Variants in SH3PXD2B observed in about 807,000 individuals in gnomAD.
The protein encoded by SH3PXD2B is SH3 and PX domains 2B, also known as SH3 and PX domain-containing protein 2B.
A neutral mutation model predicts 73.1 loss-of-function variants in SH3PXD2B; 37 were observed. That is an observed-to-expected ratio of 0.51 (90% confidence interval 0.39 to 0.67). The LOEUF (loss-of-function observed/expected upper bound fraction) is 0.67. Among genes scored for constraint, SH3PXD2B ranks in the 30% least tolerant of loss-of-function variants. SH3PXD2B has a pLI of 0.00. For missense variants in SH3PXD2B, 1,053 were observed against 1,197.8 expected, an observed-to-expected ratio of 0.88 and a Z score of 1.78; for synonymous variants, 457 against 480.5, an observed-to-expected ratio of 0.95 and a Z score of 0.64.
At chr5:172,428,125 T>A (rs1352019181) in intron 1 of SH3PXD2B, among the ~76,000 whole-genome samples, 3 of 152,192 alleles carry the variant, frequency 2.0e-5, no homozygotes, top group Non-Finnish European at 4.4e-5. Flanking sequence ...ACATACTGCA[T>A]GTCATGTGCC....
At chr5:172,330,132 A>T (rs1177007128), downstream of SH3PXD2B, among the ~76,000 whole-genome samples, 1 of 152,134 alleles carries the variant, frequency 6.6e-6, no homozygotes, top group Non-Finnish European at 1.5e-5. Flanking sequence ...AAAAATCTGT[A>T]ATCTGAGTGC....
At chr5:172,407,415 C>T (rs1758585628) in intron 2 of SH3PXD2B, among the ~76,000 whole-genome samples, 1 of 152,228 alleles carries the variant, frequency 6.6e-6, no homozygotes, top group Non-Finnish European at 1.5e-5. Flanking sequence ...TCTCTGCTGG[C>T]CGCGGTCATG....
In SH3PXD2B at chr5:172,358,744, A is replaced by G. The variant is rs374024950; in HGVS notation, c.667+29T>C. Reference sequence around the variant, plus strand: ...GGCGATGACTGCACAGGTCCTCCCCAGTGAGCAGAGGCTCGAGCTCCTCCC... The same window carrying G: ...GGCGATGACTGCACAGGTCCTCCCCGGTGAGCAGAGGCTCGAGCTCCTCCC... On this transcript the variant is annotated intron_variant, in intron 8 of 12. Transcript: ENST00000311601. The G allele has an allele frequency of 8.6e-4, 1,368 of 1,588,912 alleles. 1 individual carries two copies. Among genetic ancestry groups the G allele is most frequent in the Non-Finnish European group, 9.1e-4 (1,062 of 1,164,038 alleles).
At chr5:172,423,548 G>GGC (rs1561934782) in intron 1 of SH3PXD2B, among the ~76,000 whole-genome samples, 1 of 120,226 alleles carries the variant, frequency 8.3e-6, no homozygotes. Context: ...ACGGGGTTGG[G>GGC]GGGGGGGGCG....
At chr5:172,412,812 C>T (rs760286264) in intron 2 of SH3PXD2B, among the ~76,000 whole-genome samples, 2 of 152,124 alleles carry the variant, frequency 1.3e-5, no homozygotes, top group Non-Finnish European at 2.9e-5. Context: ...CCACTACCCG[C>T]GCTCCCCCCA....
At chr5:172,325,206 G>T in exon 13 of SH3PXD2B, 3 of 1,167,916 alleles carry the variant, frequency 2.6e-6, no homozygotes, top group South Asian at 2.9e-5. Context: ...ATTTTACCAC[G>T]ACAAAAAAAA....
At chr5:172,449,614 CAGAT>C (rs1234678509) in intron 1 of SH3PXD2B, among the ~76,000 whole-genome samples, 2 of 152,184 alleles carry the variant, frequency 1.3e-5, no homozygotes, top group African/African-American at 2.4e-5. Flanking sequence ...AGAGGAAACT[CAGAT>C]AGCCGATAAA....
intron 2 of SH3PXD2B, among the ~76,000 whole-genome samples, chr5:172,417,438 T>C (rs1202603501): frequency 1.3e-5 from 2 of 152,206 alleles, no homozygotes; most frequent in African/African-American, 4.8e-5. Context: ...TGATGTGTGG[T>C]GCCTAGATCC....
intron 1 of SH3PXD2B, among the ~76,000 whole-genome samples, chr5:172,434,485 T>G (rs1259405738): frequency 2.0e-5 from 3 of 152,198 alleles, no homozygotes; most frequent in Non-Finnish European, 4.4e-5. Flanking sequence ...GGTCGGATGA[T>G]GTGAAACAGC....
intron 12 of SH3PXD2B, among the ~76,000 whole-genome samples, chr5:172,342,116 G>A (rs1351014103): frequency 6.6e-6 from 1 of 152,182 alleles, no homozygotes; most frequent in Non-Finnish European, 1.5e-5. Context: ...GCCAGGGAGA[G>A]AGGACACAGG....
intron 2 of SH3PXD2B, among the ~76,000 whole-genome samples, chr5:172,415,929 A>G (rs982301856): frequency 6.6e-6 from 1 of 152,222 alleles, no homozygotes; most frequent in African/African-American, 2.4e-5. Context: ...CCCTCAGGTG[A>G]ATGAGACGTG....
intron 2 of SH3PXD2B, among the ~76,000 whole-genome samples, chr5:172,417,073 C>T (rs546779401): frequency 2.0e-5 from 3 of 152,248 alleles, no homozygotes; most frequent in South Asian, 4.2e-4. Context: ...GGCCTCTCTG[C>T]AGACTGTTTC....
intron 1 of SH3PXD2B, among the ~76,000 whole-genome samples, chr5:172,447,309 T>G (rs1343642871): frequency 1.3e-5 from 2 of 152,164 alleles, no homozygotes; most frequent in Non-Finnish European, 2.9e-5. Flanking sequence ...AGCATGCTAT[T>G]TTGCAAACCA....
At position 172,374,793 on chromosome 5, in the gene SH3PXD2B, G is replaced by A. The variant is rs1757788236; in HGVS notation, c.402-978C>T. Among the ~76,000 whole-genome samples the A allele has an allele frequency of 2.6e-5, 4 of 152,188 alleles. No homozygotes were observed. The South Asian group carries it at 6.2e-4, about 24-fold the overall frequency. On this transcript the variant is annotated intron_variant, in intron 5 of 12. Transcript: ENST00000311601. ...ATGAAGTTTGCAGTGGTTGGGTTGGGATGGACATTGTGGCAACAGTAGCAT... is the reference window on the plus strand; with the variant it reads ...ATGAAGTTTGCAGTGGTTGGGTTGGAATGGACATTGTGGCAACAGTAGCAT...
chr5:172,433,619 G>A (rs1003590536), intron 1 of SH3PXD2B, among the ~76,000 whole-genome samples: 4 of 152,178 alleles, frequency 2.6e-5, no homozygotes, highest in African/African-American at 9.7e-5. Flanking sequence ...CCCAGCCGAT[G>A]GCACAGGGAT....
chr5:172,442,663 T>C (rs1360470105), intron 1 of SH3PXD2B, among the ~76,000 whole-genome samples: 1 of 152,244 alleles, frequency 6.6e-6, no homozygotes, highest in African/African-American at 2.4e-5. Context: ...TCACATCATT[T>C]GAGGTTGCTT....
At chr5:172,398,192 T>C (rs114696269) in intron 3 of SH3PXD2B, among the ~76,000 whole-genome samples, 3,843 of 152,362 alleles carry the variant, frequency 0.025, 180 homozygotes, top group African/African-American at 0.087. Flanking sequence ...ATTAAACCTA[T>C]GGGGGCCGTT....
intron 12 of SH3PXD2B, chr5:172,325,442 G>T (rs1201853284): frequency 2.6e-6 from 3 of 1,143,238 alleles, no homozygotes; most frequent in Non-Finnish European, 3.8e-6. Flanking sequence ...AAAGACTAAC[G>T]TGGCCTGGGA....
chr5:172,376,757 C>T (rs893708366), intron 5 of SH3PXD2B, among the ~76,000 whole-genome samples: 1 of 152,218 alleles, frequency 6.6e-6, no homozygotes, highest in African/African-American at 2.4e-5. Context: ...TCACTGGGTC[C>T]TGGTCAGAAA....
Sources: allele counts gnomAD v4.1 joint callset (sites outside exome capture counted in the v4.1 genomes callset), GRCh38; gene constraint gnomAD v4.1.1; transcripts MANE v1.5; gene names NCBI Gene and HGNC (gene_info 2026-07-23, HGNC 2026-07-21).